SBNO1: variants seen among roughly 807,000 people sequenced by gnomAD.
SBNO1 encodes the protein protein strawberry notch homolog 1.
A neutral mutation model predicts 173.6 loss-of-function variants in SBNO1; 23 were observed. That is an observed-to-expected ratio of 0.13 (90% confidence interval 0.10 to 0.19). The LOEUF (loss-of-function observed/expected upper bound fraction) is 0.19. Among genes scored for constraint, SBNO1 ranks in the 10% least tolerant of loss-of-function variants. The probability of loss-of-function intolerance (pLI) is 1.00; values close to 1 mark genes in which losing one functional copy is unlikely to be tolerated. For synonymous variants in SBNO1, 632 were observed against 571.5 expected, an observed-to-expected ratio of 1.11 and a Z score of -1.51; for missense variants, 1,238 against 1,671.2, an observed-to-expected ratio of 0.74 and a Z score of 4.52.
At chr12:123,328,312 T>C (rs1870815854) in intron 10 of SBNO1, among the ~76,000 whole-genome samples, 1 of 152,190 alleles carries the variant, frequency 6.6e-6, no homozygotes, top group Non-Finnish European at 1.5e-5. Flanking sequence ...CTTGTAAAAG[T>C]AGAAGCATGA....
At chr12:123,304,444 C>T (rs776108117) in intron 29 of SBNO1, 138 bp downstream of exon 29, 2 of 614,340 alleles carry the variant, frequency 3.3e-6, no homozygotes, top group South Asian at 3.6e-5. Flanking sequence ...CCATGTTGGT[C>T]AGGCTGGTCT....
At chr12:123,327,379 T>C (rs1483259251) in intron 13 of SBNO1, 47 bp downstream of exon 13, 2 of 1,515,452 alleles carry the variant, frequency 1.3e-6, no homozygotes, top group African/African-American at 2.8e-5. Flanking sequence ...ACAGAAACAT[T>C]ATCAGATACA....
intron 23 of SBNO1, among the ~76,000 whole-genome samples, chr12:123,314,015 C>T (rs1593346457): frequency 6.6e-6 from 1 of 151,660 alleles, no homozygotes. Flanking sequence ...ACCTAGGAGG[C>T]GGAGGTTGTA....
chr12:123,356,553 T>C (rs949376977), intron 1 of SBNO1, among the ~76,000 whole-genome samples: 4 of 152,246 alleles, frequency 2.6e-5, no homozygotes, highest in Non-Finnish European at 2.9e-5. Flanking sequence ...GCGATTCTCC[T>C]GCCTCAGACT....
At chr12:123,362,751 A>G (rs1027088606) in intron 1 of SBNO1, among the ~76,000 whole-genome samples, 3 of 141,514 alleles carry the variant, frequency 2.1e-5, no homozygotes, top group Non-Finnish European at 3.0e-5. Flanking sequence ...CCTGGGCAAC[A>G]CAGCAAGACT....
chr12:123,323,483 T>C (rs1870246254), intron 16 of SBNO1, among the ~76,000 whole-genome samples, 197 bp downstream of exon 16: 1 of 151,966 alleles, frequency 6.6e-6, no homozygotes, highest in African/African-American at 2.4e-5. Context: ...GCCTCCCGAG[T>C]AGCTGGGACT....
At chr12:123,299,419 C>T (rs1023851440) in intron 30 of SBNO1, among the ~76,000 whole-genome samples, 2 of 151,784 alleles carry the variant, frequency 1.3e-5, no homozygotes, top group Non-Finnish European at 2.9e-5. Context: ...CGATGGCTCA[C>T]GCCTGTAATC....
rs1021960109 is a variant in SBNO1, at chr12:123,363,563, G to A, written c.-1+1138C>T. 2.0e-5 allele frequency among the ~76,000 whole-genome samples: 3 copies of A among 152,120 alleles called. No individual in the cohort carries two copies. The East Asian group carries it at 5.8e-4, about 29-fold the overall frequency. The stretch of plus-strand genomic sequence containing the variant: ...AAAATGATAATAGCCAACTTTCAAA[G>A]GTCAAAGGGGACCAGTTTATAACCT... On this transcript the variant is annotated intron_variant, in intron 1 of 31. Transcript: ENST00000602398.
intron 20 of SBNO1, 54 bp downstream of exon 20, chr12:123,319,845 AT>A (rs1170138594): frequency 7.3e-6 from 11 of 1,515,440 alleles, no homozygotes; most frequent in Non-Finnish European, 1.0e-5. Context: ...CTAAAGCTTA[AT>A]CTAAATATAC....
chr12:123,331,460 T>TATGTTG (rs11282939), intron 7 of SBNO1, 85 bp from the exon 8 acceptor site: 1,076,585 of 1,136,754 alleles, frequency 0.95, 511,567 homozygotes, highest in Non-Finnish European at 0.96. Context: ...GGAGTAGGAA[T>TATGTTG]ATGTTATGTT....
At position 123,292,842 on chromosome 12, in the gene SBNO1, T is replaced by C. The variant is rs2048532307; in HGVS notation, c.*3066A>G. ...AAAGAAAACTGCTTAACATATTTGCTTCTTAATCAAGTTGTGTTTAAAGAA... is the reference window on the plus strand; with the variant it reads ...AAAGAAAACTGCTTAACATATTTGCCTCTTAATCAAGTTGTGTTTAAAGAA... On this transcript the variant is annotated 3_prime_UTR_variant, in exon 32 of 32. Coordinates refer to ENST00000602398, the MANE Select transcript of SBNO1 (RefSeq NM_001167856.3). 6.6e-6 allele frequency: 1 copy of C among 152,246 alleles called. No individual in the cohort carries two copies. Among genetic ancestry groups the C allele is most frequent in the East Asian group, 1.9e-4 (1 of 5,208 alleles). The allele number at this position is 152,246 out of a possible 1,614,324, so 9.4% of individuals were successfully genotyped here. A position where few individuals can be genotyped will look rare whatever the true frequency, so the allele number is the denominator to read the frequency against.
chr12:123,362,823 T>C (rs902252782), intron 1 of SBNO1, among the ~76,000 whole-genome samples: 1 of 147,652 alleles, frequency 6.8e-6, no homozygotes, highest in Non-Finnish European at 1.5e-5. Flanking sequence ...CAATGGCTCA[T>C]GCCTGTAATC....
chr12:123,306,086 T>C (rs2048906946), intron 28 of SBNO1, among the ~76,000 whole-genome samples: 1 of 152,238 alleles, frequency 6.6e-6, no homozygotes, highest in African/African-American at 2.4e-5. Flanking sequence ...CCTTGGTCTC[T>C]TACTTTTTCC....
chr12:123,290,864 A>G lies in SBNO1; in HGVS notation c.*5044T>C, dbSNP rs2048501738. 1 of 150,194 alleles carries G rather than the reference A, an allele frequency of 6.7e-6. No homozygotes were observed. The highest frequency in any genetic ancestry group is 1.5e-5 in the Non-Finnish European group (1 of 67,796). 9.3% of individuals were successfully genotyped at this position (150,194 alleles called of 1,614,324 possible). ...GCCATTCTCCTGCCTCAGCCTCCTGAGTAGCTGGGACTACAGGCACCCGCC... is the reference window on the plus strand; with the variant it reads ...GCCATTCTCCTGCCTCAGCCTCCTGGGTAGCTGGGACTACAGGCACCCGCC... On this transcript the variant is annotated 3_prime_UTR_variant, in exon 32 of 32. Coordinates refer to ENST00000602398, the MANE Select transcript of SBNO1 (RefSeq NM_001167856.3).
chr12:123,302,739 T>C (rs1262727067), intron 30 of SBNO1, 85 bp downstream of exon 30: 1 of 845,656 alleles, frequency 1.2e-6, no homozygotes, highest in Non-Finnish European at 2.1e-6. Flanking sequence ...AGTTAATTCA[T>C]GAGGACATAC....
At chr12:123,361,712 G>A (rs1336236183) in intron 1 of SBNO1, among the ~76,000 whole-genome samples, 28 of 126,088 alleles carry the variant, frequency 2.2e-4, no homozygotes, top group African/African-American at 8.5e-4. Flanking sequence ...CCAGCCTGGT[G>A]ACAGAGCAAG....
intron 1 of SBNO1, 108 bp from the exon 2 acceptor site, chr12:123,350,549 G>A (rs536248182): frequency 1.1e-5 from 10 of 875,650 alleles, no homozygotes; most frequent in African/African-American, 1.7e-5. Context: ...CATTCATTCA[G>A]TATTAATGAA....
rs777188835 is a variant in SBNO1, at chr12:123,298,177, A to G, written c.3846-6T>C. ...CTTTTTTGCAATTGCCGCGCCTAAG[A>G]AAAATGGGAAAGAAATACATATGAG... On this transcript the variant is annotated splice_region_variant and splice_polypyrimidine_tract_variant and intron_variant, in intron 30 of 31. Coordinates refer to ENST00000602398, the MANE Select transcript of SBNO1 (RefSeq NM_001167856.3). 1.2e-6 allele frequency: 2 copies of G among 1,610,182 alleles called. No individual in the cohort carries two copies. The highest frequency in any genetic ancestry group is 1.1e-5 in the South Asian group (1 of 90,118).
intron 30 of SBNO1, among the ~76,000 whole-genome samples, chr12:123,299,696 AAAAC>A (rs1258619334): frequency 5.3e-5 from 8 of 149,622 alleles, no homozygotes; most frequent in East Asian, 4.1e-4. Flanking sequence ...AAAAAAAAAA[AAAAC>A]AAAAAAGCCA....
Sources: allele counts gnomAD v4.1 joint callset (sites outside exome capture counted in the v4.1 genomes callset), GRCh38; gene constraint gnomAD v4.1.1; transcripts MANE v1.5; gene names NCBI Gene and HGNC (gene_info 2026-07-23, HGNC 2026-07-21).